Variants in EXOC3L1 observed in about 807,000 individuals in gnomAD.
The protein encoded by EXOC3L1 is exocyst complex component 3 like 1, also known as exocyst complex component 3-like protein.
A neutral mutation model predicts 83.6 loss-of-function variants in EXOC3L1; 79 were observed. The ratio of observed to expected loss-of-function variants is 0.95; its 90% CI spans 0.79 to 1.14. EXOC3L1 has a LOEUF of 1.14. EXOC3L1 is among the 50% of genes most tolerant of loss of function. The pLI is 0.00. For synonymous variants in EXOC3L1, 433 were observed against 451.2 expected (o/e 0.96, Z 0.51); for missense variants, 945 against 972.0 (o/e 0.97, Z 0.37).
rs549166805 is a variant in EXOC3L1 at position 67,187,343 on chromosome 16, A to G, written c.922T>C (p.Trp308Arg). The change falls in exon 5 of 14, where the codon TGG becomes CGG. Residue 308 changes from tryptophan to arginine, a missense_variant. Physicochemically the swap from Trp to Arg is moderately radical, Grantham distance 101. Transcript: ENST00000314586. ...AAACCACTATGCAGCGTGTGGGCCC[A>G]TAGCTGGACCACGTTGTACTGTGGC... The part of the protein sequence containing the change: ...CPPQYNVVQL[W>R]AHTLHSGLRR... The G allele has an allele frequency of 8.1e-6, 13 of 1,612,848 alleles. No individual in the cohort carries two copies. The highest frequency in any genetic ancestry group is 2.7e-5 in the African/African-American group (2 of 74,934).
rs566377302 is a variant in EXOC3L1, at chr16:67,190,109, A to T, written c.-146T>A. 99 of 164,526 alleles carry T rather than the reference A, an allele frequency of 6.0e-4. No individual in the cohort carries two copies. In the Middle Eastern group the frequency reaches 0.014, roughly 24 times the overall value. 10.2% of individuals were successfully genotyped at this position (164,526 alleles called of 1,614,324 possible). On this transcript the variant is annotated 5_prime_UTR_variant, in exon 1 of 14. Transcript: ENST00000314586. ...TCCAGCTGACTCCAGCGTGCAGCTGAATTCCTCTCCCCAAGGAAGTCTCTC... is the reference window on the plus strand; with the variant it reads ...TCCAGCTGACTCCAGCGTGCAGCTGTATTCCTCTCCCCAAGGAAGTCTCTC...
chr16:67,185,095 C>T (rs1352820867), intron 11 of EXOC3L1, 38 bp from the exon 12 acceptor site: 5 of 1,612,502 alleles, frequency 3.1e-6, no homozygotes, highest in Non-Finnish European at 4.2e-6. Flanking sequence ...GGTCGCCTCT[C>T]ACCCGCGCCG....
chr16:67,187,952 C>T, intron 4 of EXOC3L1, 115 bp from the exon 5 acceptor site: 1 of 1,384,974 alleles, frequency 7.2e-7, no homozygotes, highest in Non-Finnish European at 9.6e-7. Flanking sequence ...ATTTAACAAC[C>T]AGTAGAGTAA....
intron 5 of EXOC3L1, 41 bp from the exon 6 acceptor site, chr16:67,187,179 C>T (rs1286210683): frequency 2.7e-5 from 43 of 1,609,778 alleles, no homozygotes; most frequent in Non-Finnish European, 3.5e-5. Context: ...GCCACCAAGC[C>T]CCCAGCCTCT....
Position 67,187,242 on chromosome 16 carries a change from T to A in EXOC3L1, c.1023A>T (p.Ala341=). The A allele has an allele frequency of 6.2e-7, 1 of 1,611,364 alleles. No individual in the cohort carries two copies. The highest frequency in any genetic ancestry group is 8.5e-7 in the Non-Finnish European group (1 of 1,178,574). Residue 341 remains alanine, a synonymous_variant, in exon 5 of 14, where the codon GCA becomes GCT. Transcript: ENST00000314586. ...GCACTGACCCCAGGTACACATGCAGTGCCCAGTGCAGCAAGGCGAAGGCAT... is the reference window on the plus strand; with the variant it reads ...GCACTGACCCCAGGTACACATGCAGAGCCCAGTGCAGCAAGGCGAAGGCAT... ...AADAFALLHW[A]LHVYLGQEMM... is the part of the protein sequence containing the mutation.
At chr16:67,188,997 C>T (rs761017527) in intron 3 of EXOC3L1, 23 bp downstream of exon 3, 13 of 1,603,972 alleles carry the variant, frequency 8.1e-6, no homozygotes, top group African/African-American at 4.0e-5. Context: ...TCCCAGCACC[C>T]GCACCCCCTG....
Position 67,190,027 on chromosome 16 carries a change from G to A in EXOC3L1, c.-64C>T. 1 of 261,248 alleles carries A rather than the reference G, an allele frequency of 3.8e-6. No homozygotes were observed. Among genetic ancestry groups the A allele is most frequent in the East Asian group, 8.2e-5 (1 of 12,258 alleles). The allele number at this position is 261,248 out of a possible 1,614,324, so 16.2% of individuals were successfully genotyped here. ...AAAAATGACCTTGGCCTTGAGAACA[G>A]CCCTCTCCCCAATGCAGCTGGGCAC... On this transcript the variant is annotated 5_prime_UTR_variant, in exon 1 of 14. Transcript: ENST00000314586.
At chr16:67,186,492 G>C (rs1273305983) in intron 8 of EXOC3L1, 65 bp downstream of exon 8, 31 of 1,550,230 alleles carry the variant, frequency 2.0e-5, no homozygotes, top group Non-Finnish European at 1.3e-5. Flanking sequence ...TATTCACTCA[G>C]AGCCCCTTTG....
At chr16:67,189,274 T>C in intron 2 of EXOC3L1, 94 bp from the exon 3 acceptor site, 1 of 1,260,116 alleles carries the variant, frequency 7.9e-7, no homozygotes. Flanking sequence ...ATTTATTTAT[T>C]TGTTTGTTTA....
At chr16:67,184,645 C>A in intron 13 of EXOC3L1, 41 bp from the exon 14 acceptor site, 1 of 1,581,408 alleles carries the variant, frequency 6.3e-7, no homozygotes, top group Non-Finnish European at 8.6e-7. Context: ...CCGTCCTCCC[C>A]GCCCTCCGGC....
In EXOC3L1 at chr16:67,189,670, A is replaced by G. The variant is rs1365956588; in HGVS notation, c.7T>C (p.Ser3Pro). The part of the protein sequence containing the change: MD[S>P]AAKDEMQPAL... ...GGCTGCATCTCATCCTTGGCTGCTGAGTCCATTGTGGGCCTGGAGGAGCCA... is the reference window on the plus strand; with the variant it reads ...GGCTGCATCTCATCCTTGGCTGCTGGGTCCATTGTGGGCCTGGAGGAGCCA... The change falls in exon 2 of 14, where the codon TCA (serine) becomes CCA (proline). Residue 3 changes from serine (S) to proline (P), a missense_variant. Ser to Pro is a moderately conservative substitution (Grantham distance 74). Transcript: ENST00000314586. 6.2e-7 allele frequency: 1 copy of G among 1,614,066 alleles called. No individual in the cohort carries two copies. The highest frequency in any genetic ancestry group is 8.5e-7 in the Non-Finnish European group (1 of 1,180,006).
In EXOC3L1 at chr16:67,184,690, C is replaced by G. The variant is rs774227776; in HGVS notation, c.2026G>C (p.Val676Leu). The change falls in exon 13 of 14, where the codon GTG (valine) becomes CTG (leucine). Residue 676 changes from valine (V) to leucine (L), a missense_variant. Coordinates refer to ENST00000314586, the MANE Select transcript of EXOC3L1 (RefSeq NM_178516.4). Reference protein sequence around the residue: ...VAGLRQQFPDVSEDHVSALLG... With the variant: ...VAGLRQQFPDLSEDHVSALLG... ...CTTCTGGCCCCCAGTCCGCACCTCACGTCGGGAAATTGTTGCCGCAGGCCA... is the reference window on the plus strand; with the variant it reads ...CTTCTGGCCCCCAGTCCGCACCTCAGGTCGGGAAATTGTTGCCGCAGGCCA... 6.3e-7 allele frequency: 1 copy of G among 1,575,820 alleles called. No individual in the cohort carries two copies. The highest frequency in any genetic ancestry group is 8.6e-7 in the Non-Finnish European group (1 of 1,164,498).
chr16:67,184,845 T>C, intron 12 of EXOC3L1, 35 bp from the exon 13 acceptor site: 1 of 1,607,542 alleles, frequency 6.2e-7, no homozygotes, highest in Non-Finnish European at 8.5e-7. Context: ...GCGCCAGCCC[T>C]CTCTCCCACC....
At chr16:67,184,641 T>C in intron 13 of EXOC3L1, 37 bp from the exon 14 acceptor site, 1 of 1,581,398 alleles carries the variant, frequency 6.3e-7, no homozygotes, top group South Asian at 1.1e-5. Context: ...AGCCCCGTCC[T>C]CCCCGCCCTC....
At position 67,189,108 on chromosome 16, in the gene EXOC3L1, A is replaced by G. The variant is rs753546307; in HGVS notation, c.119T>C (p.Ile40Thr). The G allele has an allele frequency of 4.4e-6, 7 of 1,608,208 alleles. No individual in the cohort carries two copies. Among genetic ancestry groups the G allele is most frequent in the Non-Finnish European group, 1.7e-6 (2 of 1,179,300 alleles). ...RGAALKWASG[I>T]FYRPEQLARL... ...GGCCAGCTGCTCCGGCCGGTAGAAG[A>G]TGCCTGAGGCCCACTTGAGCGCTGC... is the stretch of plus-strand genomic sequence containing the variant. Residue 40 changes from isoleucine to threonine, a missense_variant, in exon 3 of 14, where the codon ATC becomes ACC. Coordinates refer to ENST00000314586, the MANE Select transcript of EXOC3L1 (RefSeq NM_178516.4).
intron 4 of EXOC3L1, among the ~76,000 whole-genome samples, chr16:67,188,091 A>T (rs914200538): frequency 3.3e-5 from 5 of 152,116 alleles, no homozygotes; most frequent in Admixed American, 2.6e-4. Flanking sequence ...TAAAAATACA[A>T]AAATTAGCCA....
chr16:67,189,830 C>T (rs1265012071), intron 1 of EXOC3L1, 141 bp downstream of exon 1: 8 of 724,004 alleles, frequency 1.1e-5, no homozygotes, highest in Non-Finnish European at 1.1e-5. Flanking sequence ...GGGTGTGATG[C>T]GGAGGGCACC....
At chr16:67,185,656 C>A in intron 9 of EXOC3L1, 166 bp from the exon 10 acceptor site, 1 of 652,444 alleles carries the variant, frequency 1.5e-6, no homozygotes, top group South Asian at 1.9e-5. Flanking sequence ...GGCTGGGAGA[C>A]GGGCGCTTGG....
At chr16:67,186,188 C>T in intron 9 of EXOC3L1, 49 bp downstream of exon 9, 1 of 1,296,518 alleles carries the variant, frequency 7.7e-7, no homozygotes, top group African/African-American at 1.5e-5. Flanking sequence ...ATAATAGGTA[C>T]TCAATAGGGG....
Sources: allele counts gnomAD v4.1 joint callset (sites outside exome capture counted in the v4.1 genomes callset), GRCh38; gene constraint gnomAD v4.1.1; transcripts MANE v1.5; gene names NCBI Gene and HGNC (gene_info 2026-07-23, HGNC 2026-07-21).